The following PIP4K2B variants were observed in gnomAD, a reference collection of about 807,000 sequenced individuals.
The protein encoded by PIP4K2B is phosphatidylinositol 5-phosphate 4-kinase type-2 beta.
In PIP4K2B, 3 loss-of-function variants were observed where a neutral mutation model predicts 42.0. The observed-to-expected ratio is 0.07, with a 90% confidence interval of 0.03 to 0.18. The LOEUF is 0.18. Ranked by LOEUF, PIP4K2B falls within the 10% of genes least tolerant of loss-of-function variation. The pLI, the probability that PIP4K2B is intolerant of heterozygous loss-of-function variation, is 1.00. For missense variants in PIP4K2B, 332 were observed against 562.3 expected, an observed-to-expected ratio of 0.59 and a Z score of 4.14; for synonymous variants, 204 against 210.1, an observed-to-expected ratio of 0.97 and a Z score of 0.25.
At chr17:38,789,882 C>A (rs1168556885) in intron 1 of PIP4K2B, among the ~76,000 whole-genome samples, 2 of 151,878 alleles carry the variant, frequency 1.3e-5, no homozygotes, top group Non-Finnish European at 1.5e-5. Context: ...TGTATAATTC[C>A]ATTTATATGA....
chr17:38,792,371 T>C (rs1313852568), intron 1 of PIP4K2B, among the ~76,000 whole-genome samples: 1 of 152,156 alleles, frequency 6.6e-6, no homozygotes, highest in Non-Finnish European at 1.5e-5. Context: ...TTCAAAGCCC[T>C]GGGCTCAAGC....
intron 1 of PIP4K2B, among the ~76,000 whole-genome samples, chr17:38,790,311 C>T (rs1246825311): frequency 1.1e-4 from 17 of 152,154 alleles, no homozygotes; most frequent in Admixed American, 1.1e-3. Flanking sequence ...CCAACAGAAA[C>T]AATTCGTGGT....
intron 6 of PIP4K2B, 149 bp from the exon 7 acceptor site, chr17:38,777,949 G>GC: frequency 1.6e-6 from 1 of 631,444 alleles, no homozygotes; most frequent in Non-Finnish European, 2.8e-6. Flanking sequence ...CAGTGCAGGA[G>GC]CCTCTAGTCC....
At chr17:38,778,410 G>A (rs1909489588) in intron 5 of PIP4K2B, 38 bp from the exon 6 acceptor site, 1 of 1,605,422 alleles carries the variant, frequency 6.2e-7, no homozygotes, top group Non-Finnish European at 8.5e-7. Context: ...GTCAAGCTGA[G>A]GCAAAGTCGA....
chr17:38,771,546 C>CAAAA (rs58817119), intron 7 of PIP4K2B, among the ~76,000 whole-genome samples: 51 of 39,716 alleles, frequency 1.3e-3, no homozygotes, highest in African/African-American at 2.2e-3. Context: ...GAGATGGTCT[C>CAAAA]AAAAAAAAAA....
At chr17:38,785,013 G>C (rs1463028730) in intron 2 of PIP4K2B, among the ~76,000 whole-genome samples, 1 of 152,160 alleles carries the variant, frequency 6.6e-6, no homozygotes, top group African/African-American at 2.4e-5. Flanking sequence ...CTTACAGGAA[G>C]CCCTGCCCTG....
intron 1 of PIP4K2B, among the ~76,000 whole-genome samples, chr17:38,793,884 A>C (rs79216751): frequency 2.3e-5 from 3 of 128,214 alleles, no homozygotes; most frequent in Non-Finnish European, 4.6e-5. Context: ...AAAAACAAAC[A>C]AAAAAAAAAA....
At chr17:38,797,320 C>A (rs924334579) in intron 1 of PIP4K2B, among the ~76,000 whole-genome samples, 7 of 152,178 alleles carry the variant, frequency 4.6e-5, no homozygotes, top group African/African-American at 1.7e-4. Flanking sequence ...TATCGGAACA[C>A]CATGCATCAC....
At chr17:38,771,360 C>T (rs778473774) in intron 7 of PIP4K2B, 88 bp from the exon 8 acceptor site, 2 of 1,438,814 alleles carry the variant, frequency 1.4e-6, no homozygotes, top group Non-Finnish European at 9.6e-7. Context: ...AAAGGCATTC[C>T]TTTCAACTCA....
rs1036390345 is a variant in PIP4K2B, at chr17:38,767,755, T to G, written c.*1936A>C. The G allele has an allele frequency of 6.6e-6, 1 of 152,242 alleles. No homozygotes were observed. The highest frequency in any genetic ancestry group is 2.4e-5 in the African/African-American group (1 of 41,462). 9.4% of individuals were successfully genotyped at this position (152,242 alleles called of 1,614,324 possible). A position where few individuals can be genotyped will look rare whatever the true frequency, so the allele number is the denominator to read the frequency against. ...GCAGATCCAAACTTCCATTCTTCATTATGACGTGGGGAAATCAAGTCCAAA... is the reference window on the plus strand; with the variant it reads ...GCAGATCCAAACTTCCATTCTTCATGATGACGTGGGGAAATCAAGTCCAAA... On this transcript the variant is annotated 3_prime_UTR_variant, in exon 10 of 10. Coordinates refer to ENST00000619039, the MANE Select transcript of PIP4K2B (RefSeq NM_003559.5).
At position 38,779,546 on chromosome 17, in the gene PIP4K2B, G is replaced by A. The variant is rs1356370166; in HGVS notation, c.508-17C>T. The A allele has an allele frequency of 1.2e-6, 2 of 1,608,820 alleles. No individual in the cohort carries two copies. Among genetic ancestry groups the A allele is most frequent in the Middle Eastern group, 1.7e-4 (1 of 6,044 alleles). ...CACTATAAACTAGAATGGAAAGGAA[G>A]AAGAGAGAGGACTAAGGAACAGGCA... On this transcript the variant is annotated splice_polypyrimidine_tract_variant and intron_variant, in intron 4 of 9. Coordinates refer to ENST00000619039, the MANE Select transcript of PIP4K2B (RefSeq NM_003559.5).
intron 2 of PIP4K2B, among the ~76,000 whole-genome samples, chr17:38,786,600 C>G (rs1295519232): frequency 2.0e-5 from 3 of 152,230 alleles, no homozygotes; most frequent in Non-Finnish European, 4.4e-5. Context: ...GCCCCAAGGG[C>G]CACCGGAGGT....
chr17:38,779,808 T>C lies in PIP4K2B; in HGVS notation c.508-279A>G, dbSNP rs187651639. The C allele has an allele frequency of 2.5e-4, 99 of 402,636 alleles. No homozygotes were observed. The East Asian group carries it at 3.4e-3, about 14-fold the overall frequency. 24.9% of individuals were successfully genotyped at this position (402,636 alleles called of 1,614,324 possible). On this transcript the variant is annotated intron_variant, in intron 4 of 9. Coordinates refer to ENST00000619039, the MANE Select transcript of PIP4K2B (RefSeq NM_003559.5). Reference sequence around the variant, plus strand: ...ATTATTAGTATCTCACCTAAGATTTTGTTTAAAGTAGGATTCTACCACAGG... The same window carrying C: ...ATTATTAGTATCTCACCTAAGATTTCGTTTAAAGTAGGATTCTACCACAGG...
rs1406204587 is a variant in PIP4K2B at position 38,780,560 on chromosome 17, A to G, written c.399T>C (p.Gly133=). ...RSAPINSDSQ[G]RCGTRFLTTY... is the part of the protein sequence containing the mutation. ...TGGTGAGGAAACGCGTGCCACACCG[A>G]CCCTGGCTGTCACTGTTGATGGGGG... Residue 133 remains glycine (G), a synonymous_variant, in exon 4 of 10, where the codon GGT becomes GGC. Transcript: ENST00000619039. The G allele has an allele frequency of 1.9e-6, 3 of 1,613,580 alleles. No individual in the cohort carries two copies. The highest frequency in any genetic ancestry group is 2.5e-6 in the Non-Finnish European group (3 of 1,179,520).
Position 38,799,414 on chromosome 17 carries a change from T to C in PIP4K2B, c.11A>G (p.Asn4Ser), listed in dbSNP as rs774444974. The change falls in exon 1 of 10, where the codon AAC (asparagine) becomes AGC (serine). Residue 4 changes from asparagine to serine, a missense_variant. Transcript: ENST00000619039. The surrounding 1 kb of genome is among the most constrained non-coding windows in gnomAD (Gnocchi z 4.4). The part of the protein sequence containing the change: MSS[N>S]CTSTTAVAVA... ...CGCCACCGCCGTGGTGCTGGTGCAG[T>C]TGGACGACATGCCCGGGGCGGCGGC... 2 of 1,596,688 alleles carry C rather than the reference T, an allele frequency of 1.3e-6. No homozygotes were observed. Among genetic ancestry groups the C allele is most frequent in the African/African-American group, 2.7e-5 (2 of 73,650 alleles).
intron 6 of PIP4K2B, among the ~76,000 whole-genome samples, chr17:38,778,133 G>A (rs557442573): frequency 2.0e-5 from 3 of 152,310 alleles, no homozygotes; most frequent in African/African-American, 7.2e-5. Flanking sequence ...ACGTAGTGAG[G>A]GCAGAGGTAA....
rs1908870694 is a variant in PIP4K2B, at chr17:38,769,149, T to C, written c.*542A>G. The stretch of plus-strand genomic sequence containing the variant: ...CAAAGTTAATCCAGACAAGAGCAAA[T>C]GCAGCAGGGCGAGGTGTCTGACCTC... On this transcript the variant is annotated 3_prime_UTR_variant, in exon 10 of 10. Coordinates refer to ENST00000619039, the MANE Select transcript of PIP4K2B (RefSeq NM_003559.5). The C allele has an allele frequency of 6.5e-6, 1 of 153,560 alleles. No homozygotes were observed. The highest frequency in any genetic ancestry group is 1.4e-5 in the Non-Finnish European group (1 of 69,004). 9.5% of individuals were successfully genotyped at this position (153,560 alleles called of 1,614,324 possible).
Position 38,780,702 on chromosome 17 carries a change from C to A in PIP4K2B, c.355-98G>T, listed in dbSNP as rs991594094. ...AGGGGCTGGACTGCTTGAAAGCCAA[C>A]AACACTGAGATAGAGGGACTCCCAG... On this transcript the variant is annotated intron_variant, in intron 3 of 9. Coordinates refer to ENST00000619039, the MANE Select transcript of PIP4K2B (RefSeq NM_003559.5). The A allele has an allele frequency of 1.2e-5, 15 of 1,222,076 alleles. No individual in the cohort carries two copies. In the African/African-American group the frequency reaches 1.9e-4, roughly 16 times the overall value. 75.7% of individuals were successfully genotyped at this position (1,222,076 alleles called of 1,614,324 possible).
chr17:38,786,522 C>T (rs192751346), intron 2 of PIP4K2B, among the ~76,000 whole-genome samples: 2 of 152,348 alleles, frequency 1.3e-5, no homozygotes, highest in East Asian at 1.9e-4. Flanking sequence ...CACTGAATAC[C>T]TCAGCTCCAG....
Sources: allele counts gnomAD v4.1 joint callset (sites outside exome capture counted in the v4.1 genomes callset), GRCh38; gene constraint gnomAD v4.1.1; non-coding constraint Gnocchi (gnomAD v3.1); transcripts MANE v1.5; gene names NCBI Gene and HGNC (gene_info 2026-07-23, HGNC 2026-07-21).